CDKAL1: variants seen among roughly 807,000 people sequenced by gnomAD.
The protein encoded by CDKAL1 is threonylcarbamoyladenosine tRNA methylthiotransferase.
CDKAL1 carries 32 observed loss-of-function variants against 68.2 expected under a neutral mutation model. The ratio of observed to expected loss-of-function variants is 0.47; its 90% CI spans 0.35 to 0.63. The LOEUF is 0.63. CDKAL1 is among the 30% of genes least tolerant of loss of function. The pLI is 0.00. For missense variants in CDKAL1, 606 were observed against 696.7 expected (o/e 0.87, Z 1.47); for synonymous variants, 234 against 244.3 (o/e 0.96, Z 0.39).
chr6:20,799,290 G>A (rs1380287843), intron 8 of CDKAL1, among the ~76,000 whole-genome samples: 1 of 151,986 alleles, frequency 6.6e-6, no homozygotes, highest in Non-Finnish European at 1.5e-5. Flanking sequence ...AACCTCAGGT[G>A]TTCCACCCAC....
intron 4 of CDKAL1, among the ~76,000 whole-genome samples, chr6:20,550,195 C>T (rs998618140): frequency 6.6e-6 from 1 of 152,036 alleles, no homozygotes; most frequent in African/African-American, 2.4e-5. Flanking sequence ...CCAGGCTGGT[C>T]TAGACCTCTT....
At chr6:20,919,358 G>A (rs1762850089) in intron 9 of CDKAL1, among the ~76,000 whole-genome samples, 1 of 152,136 alleles carries the variant, frequency 6.6e-6, no homozygotes, top group Non-Finnish European at 1.5e-5. Flanking sequence ...TCTTTTCTGG[G>A]ATGAAGGAAT....
At chr6:21,028,705 G>A (rs1170091481) in intron 11 of CDKAL1, among the ~76,000 whole-genome samples, 2 of 152,154 alleles carry the variant, frequency 1.3e-5, no homozygotes, top group Non-Finnish European at 2.9e-5. Context: ...ATCTTAGGGG[G>A]ACACAATCCA....
At chr6:20,978,860 G>C (rs559422203) in intron 10 of CDKAL1, among the ~76,000 whole-genome samples, 1 of 152,224 alleles carries the variant, frequency 6.6e-6, no homozygotes, top group South Asian at 2.1e-4. Context: ...GTTTTTGTTT[G>C]TTGGGGCACT....
chr6:20,988,478 G>A (rs548300482), intron 10 of CDKAL1, among the ~76,000 whole-genome samples: 4 of 151,986 alleles, frequency 2.6e-5, no homozygotes, highest in Admixed American at 1.3e-4. Flanking sequence ...TAGTAAAATC[G>A]CCTCCAAAAT....
At chr6:20,916,367 C>T (rs544397831) in intron 9 of CDKAL1, among the ~76,000 whole-genome samples, 1 of 152,064 alleles carries the variant, frequency 6.6e-6, no homozygotes, top group East Asian at 1.9e-4. Flanking sequence ...CAGACTAATT[C>T]GAAATTTTGA....
At chr6:20,686,966 T>A (rs1332721521) in intron 5 of CDKAL1, among the ~76,000 whole-genome samples, 1 of 152,224 alleles carries the variant, frequency 6.6e-6, no homozygotes, top group Non-Finnish European at 1.5e-5. Flanking sequence ...TGATTTTTCT[T>A]CTTTAGCCTG....
chr6:21,100,894 A>G (rs185284499), intron 12 of CDKAL1, among the ~76,000 whole-genome samples: 22 of 152,204 alleles, frequency 1.4e-4, no homozygotes, highest in Non-Finnish European at 3.1e-4. Context: ...GATATTGTCA[A>G]GTGCTTTTAA....
At chr6:20,752,237 C>A (rs1773954603) in intron 6 of CDKAL1, among the ~76,000 whole-genome samples, 1 of 124,074 alleles carries the variant, frequency 8.1e-6, no homozygotes, top group African/African-American at 2.9e-5. Context: ...CAAGTACTTA[C>A]ATTTTTTTTT....
chr6:20,895,881 T>G (rs943141617), intron 9 of CDKAL1, among the ~76,000 whole-genome samples: 6 of 152,166 alleles, frequency 3.9e-5, no homozygotes, highest in African/African-American at 1.4e-4. Flanking sequence ...ACTTTCTTTA[T>G]CCAGTGGCCC....
intron 4 of CDKAL1, among the ~76,000 whole-genome samples, chr6:20,620,529 C>T (rs1314925846): frequency 1.3e-5 from 2 of 152,248 alleles, no homozygotes; most frequent in South Asian, 2.1e-4. Context: ...TGGCTAATGC[C>T]ACACAGCTAA....
intron 10 of CDKAL1, among the ~76,000 whole-genome samples, chr6:20,984,345 A>C (rs1414306978): frequency 6.6e-6 from 1 of 152,054 alleles, no homozygotes; most frequent in African/African-American, 2.4e-5. Flanking sequence ...CGGGTGCAGG[A>C]GCTGGGGCAA....
intron 13 of CDKAL1, among the ~76,000 whole-genome samples, chr6:21,131,162 C>A (rs962291694): frequency 3.9e-5 from 6 of 152,148 alleles, no homozygotes. Flanking sequence ...CATAATAAGG[C>A]ATAAAAGGAG....
intron 9 of CDKAL1, among the ~76,000 whole-genome samples, chr6:20,943,068 T>C (rs1764063456): frequency 6.6e-6 from 1 of 151,088 alleles, no homozygotes; most frequent in South Asian, 2.1e-4. Context: ...TATCTAGTAT[T>C]GTTTCTCTCC....
At chr6:20,546,603 G>A in intron 3 of CDKAL1, 80 bp downstream of exon 3, 2 of 1,186,006 alleles carry the variant, frequency 1.7e-6, no homozygotes, top group South Asian at 2.9e-5. Context: ...GCCCAGGCTG[G>A]AGTGCAGTGG....
At chr6:20,692,148 C>T (rs1581393194) in intron 5 of CDKAL1, among the ~76,000 whole-genome samples, 1 of 152,092 alleles carries the variant, frequency 6.6e-6, no homozygotes, top group African/African-American at 2.4e-5. Context: ...TTTTCTCCCC[C>T]CTCTGAGTAA....
intron 8 of CDKAL1, among the ~76,000 whole-genome samples, chr6:20,823,261 T>G (rs889647899): frequency 6.6e-6 from 1 of 152,182 alleles, no homozygotes; most frequent in African/African-American, 2.4e-5. Context: ...TTACCTTCCT[T>G]GATTTGGCCA....
intron 5 of CDKAL1, among the ~76,000 whole-genome samples, chr6:20,713,307 T>C (rs1342588490): frequency 6.6e-6 from 1 of 152,084 alleles, no homozygotes; most frequent in African/African-American, 2.4e-5. Context: ...GAATCAGGAG[T>C]GAGTTTGCAT....
chr6:21,210,236 G>A (rs1190185186), intron 15 of CDKAL1, among the ~76,000 whole-genome samples: 3 of 152,206 alleles, frequency 2.0e-5, no homozygotes, highest in African/African-American at 7.2e-5. Context: ...GTTGGGAAGA[G>A]AAGATATGTG....
Sources: gnomAD v4.1 joint callset for allele counts (sites outside exome capture counted in the v4.1 genomes callset) on GRCh38, gnomAD v4.1.1 for gene constraint, MANE v1.5 for transcripts, NCBI Gene and HGNC (gene_info 2026-07-23, HGNC 2026-07-21) for gene names.